The following SHB variants were observed in gnomAD, a reference collection of about 807,000 sequenced individuals.
SHB encodes SH2 domain-containing adapter protein B.
Under a neutral mutation model 52.3 loss-of-function variants are expected in SHB, and 20 were observed. That is an observed-to-expected ratio of 0.38 (90% CI 0.27 to 0.56). SHB has a LOEUF of 0.56. Ranked by LOEUF, SHB falls within the 20% of genes least tolerant of loss-of-function variation. SHB has a pLI of 0.71. For synonymous variants in SHB, 397 were observed against 316.5 expected (o/e 1.25, Z -2.70); for missense variants, 825 against 723.3 (o/e 1.14, Z -1.61).
At chr9:37,994,636 A>G (rs1820925667) in intron 2 of SHB, among the ~76,000 whole-genome samples, 2 of 152,208 alleles carry the variant, frequency 1.3e-5, no homozygotes, top group Admixed American at 6.5e-5. Context: ...ATAAAACCAA[A>G]CAAAAGGTAT....
intron 2 of SHB, among the ~76,000 whole-genome samples, chr9:37,999,073 A>G (rs367650086): frequency 2.2e-3 from 340 of 152,316 alleles, no homozygotes; most frequent in African/African-American, 7.6e-3. Context: ...GAGCGTTTAC[A>G]CAGGAAAGCA....
intron 5 of SHB, among the ~76,000 whole-genome samples, chr9:37,930,647 T>G (rs1255877970): frequency 1.3e-5 from 2 of 152,204 alleles, no homozygotes; most frequent in Non-Finnish European, 2.9e-5. Context: ...AAGCACCTTA[T>G]CTAACTTAGT....
intron 5 of SHB, among the ~76,000 whole-genome samples, chr9:37,922,871 C>A (rs542956561): frequency 1.1e-4 from 17 of 152,288 alleles, no homozygotes; most frequent in African/African-American, 3.8e-4. Flanking sequence ...GTACTTCCAG[C>A]CCTAGATCCT....
chr9:37,927,131 G>C (rs976036501), intron 5 of SHB, among the ~76,000 whole-genome samples: 1 of 152,240 alleles, frequency 6.6e-6, no homozygotes, highest in Non-Finnish European at 1.5e-5. Context: ...CAGGGGACCA[G>C]GATGTAAGTG....
At chr9:38,027,002 T>C (rs1398352553) in intron 1 of SHB, among the ~76,000 whole-genome samples, 1 of 152,202 alleles carries the variant, frequency 6.6e-6, no homozygotes. Flanking sequence ...CAGGCTGGCA[T>C]GTGCCAGGCA....
chr9:37,951,215 A>G (rs1329541269), intron 4 of SHB, among the ~76,000 whole-genome samples: 1 of 152,250 alleles, frequency 6.6e-6, no homozygotes, highest in African/African-American at 2.4e-5. Flanking sequence ...GTGGCCACCA[A>G]GCTGGACATC....
At chr9:38,035,023 G>A (rs1001487833) in intron 1 of SHB, among the ~76,000 whole-genome samples, 81 of 152,098 alleles carry the variant, frequency 5.3e-4, no homozygotes, top group African/African-American at 1.7e-3. Flanking sequence ...ATTAAGGAGC[G>A]GTCACCAGGA....
rs118105017 is a variant in SHB at position 37,983,760 on chromosome 9, G to A, written c.839-8923C>T. On this transcript the variant is annotated intron_variant, in intron 2 of 5. Transcript: ENST00000377707. The stretch of plus-strand genomic sequence containing the variant: ...TCTCTCACATGGCTTTGCAGCCACC[G>A]GGGATCCGTGCCCGAGACGCCAGGG... Among the ~76,000 whole-genome samples the A allele has an allele frequency of 6.7e-3, 1,018 of 152,340 alleles. 5 individuals are homozygous for A. The highest frequency in any genetic ancestry group is 0.014 in the Middle Eastern group (4 of 294).
chr9:37,920,058 GC>G, intron 5 of SHB, 54 bp from the exon 6 acceptor site: 1 of 1,413,384 alleles, frequency 7.1e-7, no homozygotes, highest in Non-Finnish European at 9.9e-7. Flanking sequence ...TCAGGCTGAG[GC>G]CAAGGGTCTC....
intron 5 of SHB, among the ~76,000 whole-genome samples, chr9:37,944,875 T>G (rs1832474515): frequency 6.6e-6 from 1 of 151,916 alleles, no homozygotes; most frequent in Non-Finnish European, 1.5e-5. Context: ...TGGCAGGGAC[T>G]GCCCACCCAC....
Position 37,974,631 on chromosome 9 carries a change from C to A in SHB, c.1045G>T (p.Ala349Ser). 1.9e-6 allele frequency: 3 copies of A among 1,612,736 alleles called. No homozygotes were observed. The highest frequency in any genetic ancestry group is 2.5e-6 in the Non-Finnish European group (3 of 1,179,796). ...PWEWNRVTIP[A>S]LAAQFNGNEK... ...GGTCAGGGCTCCTTACCTGCCAGGGCTGGGATGGTGACCCGGTTCCACTCC... is the reference window on the plus strand; with the variant it reads ...GGTCAGGGCTCCTTACCTGCCAGGGATGGGATGGTGACCCGGTTCCACTCC... Residue 349 changes from alanine to serine, a missense_variant, in exon 3 of 6, where the codon GCC becomes TCC. Transcript: ENST00000377707.
chr9:38,066,428 C>T (rs912846169), intron 1 of SHB, among the ~76,000 whole-genome samples: 2 of 152,206 alleles, frequency 1.3e-5, no homozygotes, highest in African/African-American at 2.4e-5. Context: ...TAAGACTGCA[C>T]GGAGCCTATC....
At chr9:37,947,299 T>C (rs1832503824) in intron 5 of SHB, among the ~76,000 whole-genome samples, 1 of 152,222 alleles carries the variant, frequency 6.6e-6, no homozygotes, top group Non-Finnish European at 1.5e-5. Flanking sequence ...TTTGGTCTTA[T>C]TCCCCTAGTG....
chr9:38,062,578 C>G (rs538290468), intron 1 of SHB, among the ~76,000 whole-genome samples: 2 of 152,270 alleles, frequency 1.3e-5, no homozygotes, highest in Admixed American at 1.3e-4. Flanking sequence ...CGGAACAGAG[C>G]TGAATTGTTG....
At position 37,974,827 on chromosome 9, in the gene SHB, C is replaced by T; in HGVS notation, c.849G>A (p.Arg283=). The change falls in exon 3 of 6, where the codon AGG becomes AGA. Residue 283 remains arginine, a synonymous_variant. Transcript: ENST00000377707. ...TATGCTGGGACCGGACACTTTCCTG[C>T]CTCTGAAATTCTGCAGGCAAAAAGG... The part of the protein sequence containing the change: ...EAQRIMTEFQ[R]QESVRSQHKG... 6.2e-7 allele frequency: 1 copy of T among 1,613,940 alleles called. No homozygotes were observed. The highest frequency in any genetic ancestry group is 8.5e-7 in the Non-Finnish European group (1 of 1,179,886).
chr9:37,919,862 G>A lies in SHB; in HGVS notation c.1489C>T (p.His497Tyr). The A allele has an allele frequency of 6.2e-7, 1 of 1,614,068 alleles. No individual in the cohort carries two copies. Among genetic ancestry groups the A allele is most frequent in the Non-Finnish European group, 8.5e-7 (1 of 1,179,996 alleles). The change falls in exon 6 of 6, where the codon CAC (histidine) becomes TAC (tyrosine). Residue 497 changes from histidine to tyrosine, a missense_variant. Physicochemically the swap from His to Tyr is moderately conservative, Grantham distance 83. Transcript: ENST00000377707. ...TRKLPIKGAE[H>Y]LSLLYPVAVR... ...GCCACGGGATAGAGGAGGGACAAGT[G>A]CTCAGCCCCTTTGATGGGTAGCTTT...
chr9:37,965,819 T>C (rs4637937), intron 3 of SHB, among the ~76,000 whole-genome samples: 87,716 of 151,350 alleles, frequency 0.58, 25,605 homozygotes, highest in East Asian at 0.81. Flanking sequence ...CTGGGCCAAG[T>C]TGTCTCTGTT....
chr9:38,008,951 G>A lies in SHB; in HGVS notation c.838+7060C>T, dbSNP rs1386050707. On this transcript the variant is annotated intron_variant, in intron 2 of 5. Transcript: ENST00000377707. ...GCACTACAGAGCTGGGGCTGGGAAT[G>A]GCCTGGACTCAGGACCCAGACAGAA... is the stretch of plus-strand genomic sequence containing the variant. Among the ~76,000 whole-genome samples, 3 of 152,224 alleles carry A rather than the reference G, an allele frequency of 2.0e-5. No homozygotes were observed. In the East Asian group the frequency reaches 5.8e-4, roughly 29 times the overall value.
intron 5 of SHB, among the ~76,000 whole-genome samples, chr9:37,943,334 TG>T (rs1212999311): frequency 6.6e-6 from 1 of 152,108 alleles, no homozygotes; most frequent in Non-Finnish European, 1.5e-5. Context: ...GAGTTATAGG[TG>T]TAAGTGTCTT....
Sources: allele counts gnomAD v4.1 joint callset (sites outside exome capture counted in the v4.1 genomes callset), GRCh38; gene constraint gnomAD v4.1.1; transcripts MANE v1.5; gene names NCBI Gene and HGNC (gene_info 2026-07-23, HGNC 2026-07-21).